The following CNTN4 variants were observed in gnomAD, a reference collection of about 807,000 sequenced individuals.
CNTN4 encodes contactin-4.
A neutral mutation model predicts 122.5 loss-of-function variants in CNTN4; 77 were observed. The observed-to-expected ratio is 0.63, with a 90% CI of 0.52 to 0.76. CNTN4 has a LOEUF of 0.76. CNTN4 is among the 30% of genes least tolerant of loss of function. The pLI is 0.00. For synonymous variants in CNTN4, 512 were observed against 447.0 expected, an observed-to-expected ratio of 1.15 and a Z score of -1.83; for missense variants, 1,256 against 1,259.1, an observed-to-expected ratio of 1.00 and a Z score of 0.04.
chr3:2,350,336 C>T (rs930239447), intron 3 of CNTN4, among the ~76,000 whole-genome samples: 3 of 152,072 alleles, frequency 2.0e-5, no homozygotes, highest in African/African-American at 4.8e-5. Context: ...GGTGATTGGA[C>T]GCAGCTGCTG....
intron 3 of CNTN4, among the ~76,000 whole-genome samples, chr3:2,568,997 G>A (rs1034774075): frequency 2.0e-5 from 3 of 152,092 alleles, no homozygotes; most frequent in African/African-American, 4.8e-5. Flanking sequence ...TTAATACCCT[G>A]ATCATTTGCT....
intron 2 of CNTN4, among the ~76,000 whole-genome samples, chr3:2,316,653 A>T (rs2150177921): frequency 6.6e-6 from 1 of 152,202 alleles, no homozygotes; most frequent in Non-Finnish European, 1.5e-5. Flanking sequence ...TCAACAGAAC[A>T]CTTAGTCTTT....
intron 2 of CNTN4, among the ~76,000 whole-genome samples, chr3:2,132,692 A>G (rs779471223): frequency 2.0e-5 from 3 of 152,270 alleles, no homozygotes; most frequent in South Asian, 2.1e-4. Context: ...AGTTTAAAAC[A>G]TTCTGCCATT....
At chr3:2,675,936 A>C (rs1415796915) in intron 4 of CNTN4, among the ~76,000 whole-genome samples, 3 of 152,196 alleles carry the variant, frequency 2.0e-5, no homozygotes, top group African/African-American at 7.2e-5. Flanking sequence ...AGTCTTAGAA[A>C]AGTTAAACAA....
intron 2 of CNTN4, among the ~76,000 whole-genome samples, chr3:2,205,352 A>G (rs1229528230): frequency 6.7e-6 from 1 of 149,352 alleles, no homozygotes; most frequent in Non-Finnish European, 1.5e-5. Flanking sequence ...TATAAAATAT[A>G]TGTAATATAA....
intron 16 of CNTN4, among the ~76,000 whole-genome samples, chr3:3,032,389 T>C (rs1177367555): frequency 1.3e-5 from 2 of 152,268 alleles, no homozygotes; most frequent in Admixed American, 6.5e-5. Flanking sequence ...TGATATTGTA[T>C]ACTTCATTTC....
rs1345225181 is a variant in CNTN4 at position 2,916,987 on chromosome 3, G to A, written c.1208-8642G>A. Among the ~76,000 whole-genome samples the A allele has an allele frequency of 3.9e-5, 5 of 128,830 alleles. 1 individual carries two copies. The East Asian group carries it at 1.3e-3, about 33-fold the overall frequency. 84.5% of individuals were successfully genotyped at this position (128,830 alleles called of 152,430 possible). On this transcript the variant is annotated intron_variant, in intron 12 of 24. Coordinates refer to ENST00000418658, the MANE Select transcript of CNTN4 (RefSeq NM_175607.3). ...GGAGGTTGCAGCGAGCCGAGATCAC[G>A]CCACTGCACTCCAGCCTGGGCACCA...
At chr3:3,019,688 ATGTGTGTGTCTGTG>A (rs1283024349) in intron 14 of CNTN4, among the ~76,000 whole-genome samples, 2 of 150,946 alleles carry the variant, frequency 1.3e-5, no homozygotes, top group East Asian at 3.9e-4. Flanking sequence ...ATATATGTAT[ATGTGTGTGTCTGTG>A]TGTGTGTGTA....
intron 4 of CNTN4, among the ~76,000 whole-genome samples, chr3:2,649,783 G>T (rs1435027686): frequency 6.6e-6 from 1 of 151,768 alleles, no homozygotes; most frequent in African/African-American, 2.4e-5. Flanking sequence ...ATGGATCTCG[G>T]CAAAGTAAAT....
chr3:2,592,518 G>T (rs900358014), intron 4 of CNTN4, among the ~76,000 whole-genome samples: 3 of 152,142 alleles, frequency 2.0e-5, no homozygotes, highest in South Asian at 2.1e-4. Flanking sequence ...CTTTCCCATT[G>T]CTGTTCTCAT....
chr3:2,573,063 C>T (rs922236094), intron 4 of CNTN4, among the ~76,000 whole-genome samples: 42 of 152,072 alleles, frequency 2.8e-4, no homozygotes, highest in African/African-American at 9.4e-4. Flanking sequence ...AAGAAACTCA[C>T]CCAAATTCAC....
At chr3:2,307,012 C>T (rs2042733440) in intron 2 of CNTN4, among the ~76,000 whole-genome samples, 1 of 152,136 alleles carries the variant, frequency 6.6e-6, no homozygotes, top group African/African-American at 2.4e-5. Context: ...CTAAAATTTT[C>T]TGTGGATTCC....
intron 3 of CNTN4, among the ~76,000 whole-genome samples, chr3:2,427,557 G>C (rs955915343): frequency 6.6e-6 from 1 of 152,162 alleles, no homozygotes. Flanking sequence ...TGTTGATTTG[G>C]GGTGGAGAGT....
intron 4 of CNTN4, among the ~76,000 whole-genome samples, chr3:2,660,714 T>C (rs2083845019): frequency 6.6e-6 from 1 of 152,256 alleles, no homozygotes; most frequent in Admixed American, 6.5e-5. Context: ...AATCTAGACT[T>C]TGGTTACCTA....
chr3:2,134,366 C>T (rs1042541072), intron 2 of CNTN4, among the ~76,000 whole-genome samples: 1 of 152,204 alleles, frequency 6.6e-6, no homozygotes, highest in Admixed American at 6.5e-5. Flanking sequence ...CATCTGAAAA[C>T]TGCCGCTTTT....
At chr3:2,488,945 G>T (rs2076238285) in intron 3 of CNTN4, among the ~76,000 whole-genome samples, 1 of 152,108 alleles carries the variant, frequency 6.6e-6, no homozygotes, top group Non-Finnish European at 1.5e-5. Flanking sequence ...AGATAAAAAG[G>T]AATGATAAAT....
At chr3:2,332,395 A>T (rs887495312) in intron 2 of CNTN4, among the ~76,000 whole-genome samples, 7 of 152,116 alleles carry the variant, frequency 4.6e-5, no homozygotes, top group African/African-American at 1.7e-4. Flanking sequence ...TATTTACAGG[A>T]TGCTTTCAAC....
intron 2 of CNTN4, among the ~76,000 whole-genome samples, chr3:2,134,672 G>A (rs542114846): frequency 2.6e-4 from 40 of 152,262 alleles, no homozygotes; most frequent in African/African-American, 9.4e-4. Context: ...AGGGGATGCC[G>A]CTGGCATCTA....
At chr3:2,496,858 T>C (rs769512642) in intron 3 of CNTN4, among the ~76,000 whole-genome samples, 22 of 152,168 alleles carry the variant, frequency 1.4e-4, no homozygotes, top group Non-Finnish European at 2.5e-4. Context: ...CTCACAATTA[T>C]GGAGACTGAA....
Sources: gnomAD v4.1 joint callset for allele counts (sites outside exome capture counted in the v4.1 genomes callset) on GRCh38, gnomAD v4.1.1 for gene constraint, MANE v1.5 for transcripts, NCBI Gene and HGNC (gene_info 2026-07-23, HGNC 2026-07-21) for gene names.